PRR16: variants seen among roughly 807,000 people sequenced by gnomAD.
The protein encoded by PRR16 is proline rich 16.
PRR16 carries 6 observed loss-of-function variants against 18.2 expected under a neutral mutation model. The ratio of observed to expected loss-of-function variants is 0.33; its 90% confidence interval spans 0.18 to 0.65. PRR16 has a LOEUF of 0.65. Among genes scored for constraint, PRR16 ranks in the 30% least tolerant of loss-of-function variants. The probability of loss-of-function intolerance (pLI) is 0.74; values close to 1 mark genes in which losing one functional copy is unlikely to be tolerated. For synonymous variants in PRR16, 151 were observed against 147.8 expected (o/e 1.02, Z -0.16); for missense variants, 412 against 376.6 (o/e 1.09, Z -0.78).
chr5:120,636,609 T>C (rs538084551), intron 1 of PRR16, among the ~76,000 whole-genome samples: 47 of 152,292 alleles, frequency 3.1e-4, no homozygotes, highest in Middle Eastern at 6.8e-3. Flanking sequence ...AATTCTCATC[T>C]CTCACCTTAT....
At chr5:120,539,997 C>T (rs1304882316) in intron 1 of PRR16, among the ~76,000 whole-genome samples, 1 of 152,122 alleles carries the variant, frequency 6.6e-6, no homozygotes, top group Admixed American at 6.5e-5. Context: ...GAGAGTACAG[C>T]TGCCTTTCCA....
intron 1 of PRR16, among the ~76,000 whole-genome samples, chr5:120,487,502 C>G (rs956239066): frequency 6.6e-6 from 1 of 152,102 alleles, no homozygotes; most frequent in Non-Finnish European, 1.5e-5. Context: ...GATTTTCTAT[C>G]CTGAGACTTT....
At chr5:120,611,885 T>C (rs976667412) in intron 1 of PRR16, among the ~76,000 whole-genome samples, 2 of 152,104 alleles carry the variant, frequency 1.3e-5, no homozygotes, top group African/African-American at 4.8e-5. Flanking sequence ...CAGCTTGCAC[T>C]GTGCACCTGG....
intron 1 of PRR16, among the ~76,000 whole-genome samples, chr5:120,502,336 C>A (rs952768593): frequency 2.0e-5 from 3 of 148,286 alleles, no homozygotes; most frequent in Non-Finnish European, 4.5e-5. Context: ...TAAAGAACCC[C>A]AATAAATATT....
chr5:120,637,449 G>A (rs1001544895), intron 1 of PRR16, among the ~76,000 whole-genome samples: 3 of 150,842 alleles, frequency 2.0e-5, no homozygotes, highest in Non-Finnish European at 4.4e-5. Context: ...TGGTATGTAT[G>A]TATCATGGAA....
the PRR16 span, among the ~76,000 whole-genome samples, chr5:120,703,227 G>C: frequency 6.6e-6 from 1 of 152,128 alleles, no homozygotes; most frequent in South Asian, 2.1e-4. Context: ...TTTTCACAAG[G>C]TAATGTCATC....
chr5:120,472,638 C>T (rs1306405210), intron 1 of PRR16, among the ~76,000 whole-genome samples: 2 of 151,810 alleles, frequency 1.3e-5, no homozygotes, highest in Admixed American at 1.3e-4. Flanking sequence ...AGGTTTGGCT[C>T]CATAATTTTC....
chr5:120,568,660 A>G (rs948045651), intron 1 of PRR16, among the ~76,000 whole-genome samples: 1 of 152,258 alleles, frequency 6.6e-6, no homozygotes, highest in Non-Finnish European at 1.5e-5. Flanking sequence ...GTATTTTAAA[A>G]TTTTGTAGTG....
intron 1 of PRR16, among the ~76,000 whole-genome samples, chr5:120,672,238 C>CTCTGTGTG (rs1554094155): frequency 7.4e-6 from 1 of 135,004 alleles, no homozygotes; most frequent in Non-Finnish European, 1.6e-5. Context: ...GGTGAGGGGT[C>CTCTGTGTG]TGTGTGTGTG....
intron 1 of PRR16, among the ~76,000 whole-genome samples, chr5:120,483,968 C>T (rs1292572534): frequency 2.6e-5 from 4 of 151,882 alleles, no homozygotes; most frequent in African/African-American, 4.8e-5. Flanking sequence ...TAATTTTCAG[C>T]CTATAGTAGA....
intron 1 of PRR16, among the ~76,000 whole-genome samples, chr5:120,487,206 G>A (rs1348123625): frequency 6.6e-6 from 1 of 152,148 alleles, no homozygotes; most frequent in Admixed American, 6.5e-5. Flanking sequence ...AGCTTGATAG[G>A]GATGGCATTG....
At chr5:120,612,605 CT>C (rs1172003820) in intron 1 of PRR16, among the ~76,000 whole-genome samples, 1 of 152,090 alleles carries the variant, frequency 6.6e-6, no homozygotes, top group African/African-American at 2.4e-5. Flanking sequence ...TAAGAAGTGT[CT>C]TTTGGGTCCT....
chr5:120,594,097 A>G (rs1753726658), intron 1 of PRR16, among the ~76,000 whole-genome samples: 1 of 152,146 alleles, frequency 6.6e-6, no homozygotes, highest in South Asian at 2.1e-4. Context: ...GGCACAAGAT[A>G]AGGATGCCCT....
At chr5:120,713,582 T>A in the PRR16 span, among the ~76,000 whole-genome samples, 1 of 152,172 alleles carries the variant, frequency 6.6e-6, no homozygotes. Flanking sequence ...CTTGTGTGAT[T>A]AAACCATTCG....
chr5:120,476,703 C>G (rs1749453491), intron 1 of PRR16, among the ~76,000 whole-genome samples: 1 of 152,072 alleles, frequency 6.6e-6, no homozygotes, highest in South Asian at 2.1e-4. Flanking sequence ...TCTCTCTCCC[C>G]TAAATGATTC....
chr5:120,770,235 C>A, the PRR16 span, among the ~76,000 whole-genome samples: 2 of 139,998 alleles, frequency 1.4e-5, no homozygotes, highest in Non-Finnish European at 3.2e-5. Context: ...ATAGCACTGA[C>A]ATAAAGACAA....
intron 1 of PRR16, among the ~76,000 whole-genome samples, chr5:120,678,786 CT>C (rs1756885700): frequency 6.6e-6 from 1 of 152,052 alleles, no homozygotes; most frequent in Admixed American, 6.6e-5. Context: ...ATTTCTTTCT[CT>C]TATCTAATTG....
intron 1 of PRR16, among the ~76,000 whole-genome samples, chr5:120,487,370 G>T (rs1749845535): frequency 6.6e-6 from 1 of 152,238 alleles, no homozygotes; most frequent in Admixed American, 6.5e-5. Context: ...CACATCCCTT[G>T]TAAGTTGGAT....
At chr5:120,476,484 TACTA>T (rs1300924865) in intron 1 of PRR16, among the ~76,000 whole-genome samples, 2 of 152,196 alleles carry the variant, frequency 1.3e-5, no homozygotes, top group African/African-American at 2.4e-5. Context: ...CTCTATTGAT[TACTA>T]ACTATGTAAC....
Sources: gnomAD v4.1 joint callset for allele counts (sites outside exome capture counted in the v4.1 genomes callset) on GRCh38, gnomAD v4.1.1 for gene constraint, MANE v1.5 for transcripts, NCBI Gene and HGNC (gene_info 2026-07-23, HGNC 2026-07-21) for gene names.